The following CYLD variants were observed in gnomAD, a reference collection of about 807,000 sequenced individuals.
CYLD encodes ubiquitin carboxyl-terminal hydrolase CYLD.
In CYLD, 26 loss-of-function variants were observed where a neutral mutation model predicts 104.5. The ratio of observed to expected loss-of-function variants is 0.25; its 90% CI spans 0.18 to 0.35. CYLD has a LOEUF of 0.35. Among genes scored for constraint, CYLD ranks in the 10% least tolerant of loss-of-function variants. The probability of loss-of-function intolerance (pLI) is 1.00; values close to 1 mark genes in which losing one functional copy is unlikely to be tolerated. For synonymous variants in CYLD, 385 were observed against 399.9 expected, an observed-to-expected ratio of 0.96 and a Z score of 0.45; for missense variants, 703 against 1,136.1, an observed-to-expected ratio of 0.62 and a Z score of 5.48.
Position 50,797,444 on chromosome 16 carries a change from T to C in CYLD, c.*936T>C, listed in dbSNP as rs1168134909. ...TAGACAAGACTGTCTAGAACTTAAG[T>C]TTGATCTGTCAGCCAGTACTCCCAT... On this transcript the variant is annotated 3_prime_UTR_variant, in exon 19 of 19. Transcript: ENST00000427738. 1.7e-5 allele frequency: 4 copies of C among 232,220 alleles called. No homozygotes were observed. The Admixed American group carries it at 2.3e-4, about 13-fold the overall frequency. The allele number at this position is 232,220 out of a possible 1,614,324, so 14.4% of individuals were successfully genotyped here. A position where few individuals can be genotyped will look rare whatever the true frequency, so the allele number is the denominator to read the frequency against.
intron 5 of CYLD, among the ~76,000 whole-genome samples, chr16:50,758,291 G>A (rs982721156): frequency 6.6e-6 from 1 of 152,220 alleles, no homozygotes; most frequent in Non-Finnish European, 1.5e-5. Flanking sequence ...AGCGTGGCCA[G>A]TTTGAGCAAT....
chr16:50,760,589 T>C (rs1967791875), intron 5 of CYLD, among the ~76,000 whole-genome samples: 1 of 152,202 alleles, frequency 6.6e-6, no homozygotes, highest in African/African-American at 2.4e-5. Flanking sequence ...CTTAATTTTA[T>C]ATGTTAGAAC....
chr16:50,742,542 TC>T (rs1388403933), intron 1 of CYLD: 1 of 129,828 alleles, frequency 7.7e-6, no homozygotes, highest in Non-Finnish European at 1.6e-5. Context: ...GCTGTCCCCC[TC>T]CCGCCCCCCA....
Position 50,791,041 on chromosome 16 carries a change from A to G in CYLD, c.2109-517A>G, listed in dbSNP as rs537664031. Among the ~76,000 whole-genome samples the G allele has an allele frequency of 5.3e-5, 8 of 152,292 alleles. No individual in the cohort carries two copies. The South Asian group carries it at 1.7e-3, about 32-fold the overall frequency. On this transcript the variant is annotated intron_variant, in intron 14 of 18. Transcript: ENST00000427738. ...ATGGTAAGCAGTGGTTAGGGCCCCT[A>G]GATTCTTTACCCAGCTCTGCTTTTG... is the stretch of plus-strand genomic sequence containing the variant.
intron 8 of CYLD, 129 bp from the exon 9 acceptor site, chr16:50,779,536 T>C: frequency 2.5e-6 from 2 of 803,340 alleles, no homozygotes; most frequent in Admixed American, 2.1e-5. Context: ...TTGTGATGCC[T>C]ATGAGAGTAC....
intron 2 of CYLD, among the ~76,000 whole-genome samples, chr16:50,749,211 T>C (rs1966435492): frequency 6.6e-6 from 1 of 152,110 alleles, no homozygotes; most frequent in African/African-American, 2.4e-5. Context: ...TCAAAACAAA[T>C]AAATAAAAAT....
chr16:50,796,260 A>C, intron 18 of CYLD, 64 bp from the exon 19 acceptor site: 1 of 1,525,014 alleles, frequency 6.6e-7, no homozygotes, highest in Non-Finnish European at 9.1e-7. Context: ...TAGGATTATA[A>C]AATCACTGGC....
rs543813166 is a variant in CYLD, at chr16:50,797,319, A to G, written c.*811A>G. 4.3e-6 allele frequency: 1 copy of G among 232,380 alleles called. No homozygotes were observed. Among genetic ancestry groups the G allele is most frequent in the South Asian group, 1.8e-4 (1 of 5,524 alleles). The allele number at this position is 232,380 out of a possible 1,614,324, so 14.4% of individuals were successfully genotyped here. ...AAATTGATGAAAGAATTGGAGTGAT[A>G]ATAGTCCTTTACAAACATACAGTCC... is the stretch of plus-strand genomic sequence containing the variant. On this transcript the variant is annotated 3_prime_UTR_variant, in exon 19 of 19. Coordinates refer to ENST00000427738, the MANE Select transcript of CYLD (RefSeq NM_001378743.1).
intron 1 of CYLD, 180 bp from the exon 2 acceptor site, chr16:50,742,582 A>C: frequency 5.8e-6 from 1 of 173,508 alleles, no homozygotes; most frequent in South Asian, 2.2e-4. Flanking sequence ...AGACTGAGGC[A>C]CAGGCCGCTG....
intron 12 of CYLD, chr16:50,786,621 G>A (rs1970854491): frequency 4.6e-6 from 2 of 439,542 alleles, no homozygotes; most frequent in East Asian, 4.3e-5. Context: ...TTAGCTGGAT[G>A]TGGTGGTGCA....
intron 4 of CYLD, 101 bp downstream of exon 4, chr16:50,752,007 C>G: frequency 5.6e-6 from 1 of 177,280 alleles, no homozygotes. Flanking sequence ...TATATATACA[C>G]ACATATATAT....
At chr16:50,787,085 GCTCCT>G in intron 13 of CYLD, 139 bp downstream of exon 13, 3 of 709,192 alleles carry the variant, frequency 4.2e-6, no homozygotes, top group Non-Finnish European at 5.0e-6. Flanking sequence ...TATATGGTTA[GCTCCT>G]CTTTTTGTAA....
At chr16:50,757,105 T>C (rs1431650778) in intron 5 of CYLD, among the ~76,000 whole-genome samples, 2 of 150,304 alleles carry the variant, frequency 1.3e-5, no homozygotes, top group Admixed American at 1.3e-4. Context: ...AACTGAATTG[T>C]TTTTTTTTCA....
At chr16:50,758,084 T>C (rs1245074810) in intron 5 of CYLD, among the ~76,000 whole-genome samples, 1 of 152,120 alleles carries the variant, frequency 6.6e-6, no homozygotes, top group Non-Finnish European at 1.5e-5. Context: ...ATGTGTATGA[T>C]CAATTACATG....
chr16:50,749,432 A>G, intron 2 of CYLD, 144 bp from the exon 3 acceptor site: 1 of 547,920 alleles, frequency 1.8e-6, no homozygotes, highest in Non-Finnish European at 3.2e-6. Flanking sequence ...ATATTTTTTG[A>G]AAATATTTCA....
rs775394735 is a variant in CYLD, at chr16:50,793,660, C to A, written c.2465C>A (p.Thr822Asn). ...KIKQFCKTCN[T>N]QVHLHPKRLN... Reference sequence around the variant, plus strand: ...AAGCAGTTTTGTAAAACCTGCAACACTCAAGTGAGCTTCCCTTCACTTAAT... The same window carrying A: ...AAGCAGTTTTGTAAAACCTGCAACAATCAAGTGAGCTTCCCTTCACTTAAT... Residue 822 changes from threonine to asparagine, a missense_variant, in exon 17 of 19, where the codon ACT (threonine) becomes AAT (asparagine). Physicochemically the swap from Thr to Asn is moderately conservative, Grantham distance 65. This residue lies in a region of CYLD where 130 missense variants were observed against 220.2 expected (regional missense o/e 0.59). Transcript: ENST00000427738. 8.2e-6 allele frequency: 13 copies of A among 1,589,604 alleles called. No individual in the cohort carries two copies. The East Asian group carries it at 2.5e-4, about 30-fold the overall frequency.
At chr16:50,772,984 A>AC (rs775118914) in intron 5 of CYLD, among the ~76,000 whole-genome samples, 11 of 152,180 alleles carry the variant, frequency 7.2e-5, no homozygotes, top group Non-Finnish European at 1.6e-4. Context: ...CTGAGCAGGA[A>AC]CCCAACCTTT....
In CYLD at chr16:50,794,091, C is replaced by A. The variant is rs998690258; in HGVS notation, c.2470-121C>A. The A allele has an allele frequency of 2.2e-6, 2 of 903,924 alleles. No individual in the cohort carries two copies. The highest frequency in any genetic ancestry group is 3.6e-6 in the Non-Finnish European group (2 of 562,876). The allele number at this position is 903,924 out of a possible 1,614,324, so 56.0% of individuals were successfully genotyped here. On this transcript the variant is annotated intron_variant, in intron 17 of 18. Transcript: ENST00000427738. This position sits in a 1 kb window ranked among gnomAD's most constrained non-coding sequence, Gnocchi z 4.1. ...TGCAGGCGCCTGCCACCACGCCCAG[C>A]TAATTTTTGTATTTTTAACAGAGAC...
At position 50,749,832 on chromosome 16, in the gene CYLD, G is replaced by T; in HGVS notation, c.134G>T (p.Ser45Ile). ...TQKLLKVPKG[S>I]IGQYIQDRSV... ...AAGCTCCTTAAAGTACCGAAGGGAA[G>T]TATAGGACAGTATATTCAAGATCGT... Residue 45 changes from serine (S) to isoleucine (I), a missense_variant, in exon 3 of 19, where the codon AGT becomes ATT. Around this residue, in one of 5 missense-constraint regions of CYLD, gnomAD observed 142 missense variants for 165.1 expected, o/e 0.86. Transcript: ENST00000427738. The T allele has an allele frequency of 6.2e-7, 1 of 1,614,164 alleles. No homozygotes were observed. The highest frequency in any genetic ancestry group is 1.1e-5 in the South Asian group (1 of 91,082).
Sources: allele counts gnomAD v4.1 joint callset (sites outside exome capture counted in the v4.1 genomes callset), GRCh38; gene constraint gnomAD v4.1.1; regional missense constraint gnomAD v4.1.1; non-coding constraint Gnocchi (gnomAD v3.1); transcripts MANE v1.5; gene names NCBI Gene and HGNC (gene_info 2026-07-23, HGNC 2026-07-21).